The following RFPL1 variants were observed in gnomAD, a reference collection of about 807,000 sequenced individuals.
RFPL1 encodes ret finger protein-like 1.
A neutral mutation model predicts 9.6 loss-of-function variants in RFPL1; 6 were observed. The observed-to-expected ratio is 0.62, with a 90% confidence interval of 0.34 to 1.23. The LOEUF is 1.23. RFPL1 is among the 50% of genes most tolerant of loss of function. The pLI, the probability that RFPL1 is intolerant of heterozygous loss-of-function variation, is 0.03. For missense variants in RFPL1, 352 were observed against 398.4 expected, an observed-to-expected ratio of 0.88 and a Z score of 0.99; for synonymous variants, 145 against 149.4, an observed-to-expected ratio of 0.97 and a Z score of 0.22.
At chr22:29,433,831 A>G (rs867888637), upstream of RFPL1, among the ~76,000 whole-genome samples, 4 of 152,276 alleles carry the variant, frequency 2.6e-5, no homozygotes, top group Middle Eastern at 3.4e-3. Flanking sequence ...CCCCATGTGG[A>G]AGTGACAATA....
upstream of RFPL1, chr22:29,437,990 A>C: frequency 3.0e-6 from 1 of 333,362 alleles, no homozygotes. Context: ...CAGGGTCTTA[A>C]CTCTGTTGTC....
At chr22:29,391,489 T>A in the RFPL1 span, among the ~76,000 whole-genome samples, 3 of 152,174 alleles carry the variant, frequency 2.0e-5, no homozygotes, top group Non-Finnish European at 4.4e-5. Flanking sequence ...ATTGGGAATG[T>A]AACATCAGAA....
chr22:29,433,888 AT>A (rs925494050), upstream of RFPL1, among the ~76,000 whole-genome samples: 5 of 152,074 alleles, frequency 3.3e-5, no homozygotes, highest in East Asian at 1.9e-4. Context: ...GTATTGTTGA[AT>A]TTTTTTTAAT....
chr22:29,399,973 G>A, the RFPL1 span, among the ~76,000 whole-genome samples: 1 of 150,030 alleles, frequency 6.7e-6, no homozygotes, highest in African/African-American at 2.5e-5. Flanking sequence ...GGGATTGTAA[G>A]GTGTATCAAG....
At chr22:29,397,211 C>G in the RFPL1 span, among the ~76,000 whole-genome samples, 1 of 152,136 alleles carries the variant, frequency 6.6e-6, no homozygotes, top group Non-Finnish European at 1.5e-5. Flanking sequence ...GCCCGGCCAC[C>G]TGAAACTTCT....
chr22:29,392,709 A>C, the RFPL1 span, among the ~76,000 whole-genome samples: 7 of 152,306 alleles, frequency 4.6e-5, no homozygotes, highest in Non-Finnish European at 1.0e-4. Context: ...GGAACTGCAG[A>C]ACAACAGTGA....
the RFPL1 span, among the ~76,000 whole-genome samples, chr22:29,422,745 A>G: frequency 3.9e-5 from 6 of 152,040 alleles, no homozygotes; most frequent in Non-Finnish European, 8.8e-5. Flanking sequence ...CTCCATCTCA[A>G]AAAAAAGAAA....
At chr22:29,392,378 C>CTTTGTTTTTTTTT in the RFPL1 span, among the ~76,000 whole-genome samples, 1 of 46,272 alleles carries the variant, frequency 2.2e-5, no homozygotes, top group Non-Finnish European at 4.0e-5. Flanking sequence ...CCACACCTGG[C>CTTTGTTTTTTTTT]TTTTTTTTTT....
chr22:29,426,123 G>A, the RFPL1 span, among the ~76,000 whole-genome samples: 60 of 152,024 alleles, frequency 3.9e-4, no homozygotes, highest in Non-Finnish European at 6.5e-4. Context: ...AGGAGTTTGA[G>A]AGCAGCCTGG....
intron 1 of RFPL1, chr22:29,439,556 T>G (rs1460139411): frequency 1.6e-5 from 3 of 186,976 alleles, no homozygotes; most frequent in African/African-American, 2.4e-5. Context: ...GGCGTTAACC[T>G]GGGGGGGGCG....
At chr22:29,413,217 T>A in the RFPL1 span, among the ~76,000 whole-genome samples, 11 of 151,840 alleles carry the variant, frequency 7.2e-5, no homozygotes, top group Non-Finnish European at 1.5e-4. Context: ...TATATACAAT[T>A]AAAAATTCAG....
At chr22:29,429,279 C>A in the RFPL1 span, among the ~76,000 whole-genome samples, 1 of 151,994 alleles carries the variant, frequency 6.6e-6, no homozygotes, top group Non-Finnish European at 1.5e-5. Flanking sequence ...TGGTCCTGTA[C>A]TCCTGCTGCA....
the RFPL1 span, chr22:29,433,093 G>C: frequency 6.6e-6 from 1 of 151,744 alleles, no homozygotes; most frequent in East Asian, 1.9e-4. Context: ...AGGAGTTAAA[G>C]ACCAGCATGG....
chr22:29,437,857 A>G (rs2062816029), upstream of RFPL1: 1 of 914,240 alleles, frequency 1.1e-6, no homozygotes. Flanking sequence ...GTGCTGCCTC[A>G]GAGTTGAAAA....
the RFPL1 span, among the ~76,000 whole-genome samples, chr22:29,410,600 T>G: frequency 3.1e-4 from 28 of 89,004 alleles, no homozygotes; most frequent in Admixed American, 1.1e-3. Context: ...TATATAGATA[T>G]ATATAGATAT....
chr22:29,400,105 C>T, the RFPL1 span, among the ~76,000 whole-genome samples: 1 of 151,646 alleles, frequency 6.6e-6, no homozygotes, highest in Non-Finnish European at 1.5e-5. Context: ...ACGCCATTCT[C>T]CTGCCTCAGC....
At chr22:29,411,432 TG>T in the RFPL1 span, among the ~76,000 whole-genome samples, 2 of 152,248 alleles carry the variant, frequency 1.3e-5, no homozygotes, top group Non-Finnish European at 2.9e-5. Flanking sequence ...CATTTACCCT[TG>T]GGCTATGTAG....
chr22:29,427,196 C>G, the RFPL1 span, among the ~76,000 whole-genome samples: 1 of 152,236 alleles, frequency 6.6e-6, no homozygotes, highest in Admixed American at 6.5e-5. Flanking sequence ...GGGGGCCTGA[C>G]AGTGCCCAGG....
At chr22:29,433,331 A>C in the RFPL1 span, 1 of 151,900 alleles carries the variant, frequency 6.6e-6, no homozygotes, top group African/African-American at 2.4e-5. Context: ...AATAATAAAA[A>C]CCCACATACC....
Sources: allele counts gnomAD v4.1 joint callset (sites outside exome capture counted in the v4.1 genomes callset), GRCh38; gene constraint gnomAD v4.1.1; transcripts MANE v1.5; gene names NCBI Gene and HGNC (gene_info 2026-07-23, HGNC 2026-07-21).